EPSTI1: variants seen among roughly 807,000 people sequenced by gnomAD.
EPSTI1 encodes the protein epithelial-stromal interaction protein 1.
A neutral mutation model predicts 49.9 loss-of-function variants in EPSTI1; 66 were observed. That is an observed-to-expected ratio of 1.32 (90% CI 1.08 to 1.62). The LOEUF (loss-of-function observed/expected upper bound fraction) is 1.62, where lower values mean the gene tolerates loss of function less well. Among genes scored for constraint, EPSTI1 ranks in the 40% most tolerant of loss-of-function variants. EPSTI1 has a pLI of 0.00. For synonymous variants in EPSTI1, 137 were observed against 130.7 expected (o/e 1.05, Z -0.33); for missense variants, 394 against 365.5 (o/e 1.08, Z -0.64).
At chr13:42,900,183 G>C (rs2037314090) in intron 9 of EPSTI1, 127 bp downstream of exon 9, 1 of 814,232 alleles carries the variant, frequency 1.2e-6, no homozygotes, top group African/African-American at 1.7e-5. Flanking sequence ...CCCAATAACA[G>C]ATTTAAAGGT....
At chr13:42,935,793 A>C (rs149015357) in intron 6 of EPSTI1, among the ~76,000 whole-genome samples, 111 of 152,074 alleles carry the variant, frequency 7.3e-4, no homozygotes, top group African/African-American at 2.5e-3. Flanking sequence ...GGGTTTCACC[A>C]TGTTGCCCAG....
chr13:42,950,520 C>T (rs1010824667), intron 6 of EPSTI1, among the ~76,000 whole-genome samples: 4 of 152,148 alleles, frequency 2.6e-5, no homozygotes, highest in Non-Finnish European at 4.4e-5. Context: ...TAATCAGAAG[C>T]AAATGAACGA....
chr13:42,935,380 T>C (rs2038525313), intron 6 of EPSTI1, among the ~76,000 whole-genome samples: 1 of 152,176 alleles, frequency 6.6e-6, no homozygotes, highest in East Asian at 1.9e-4. Context: ...TGTAAAAATC[T>C]CAAACCTAGA....
chr13:42,888,133 A>G lies in EPSTI1; in HGVS notation c.*361T>C, dbSNP rs2036914955. On this transcript the variant is annotated 3_prime_UTR_variant, in exon 11 of 11. Coordinates refer to ENST00000313624, the MANE Select transcript of EPSTI1 (RefSeq NM_033255.5). ...TCAAAACCTGATCTGAGAATTAGAT[A>G]AGAATATGTCACTTAGAAAGACAAG... 1.6e-6 allele frequency: 2 copies of G among 1,225,156 alleles called. No homozygotes were observed. Among genetic ancestry groups the G allele is most frequent in the East Asian group, 4.7e-5 (2 of 42,284 alleles). The allele number at this position is 1,225,156 out of a possible 1,614,324, so 75.9% of individuals were successfully genotyped here.
intron 1 of EPSTI1, among the ~76,000 whole-genome samples, chr13:42,977,878 T>C (rs1233064178): frequency 6.6e-6 from 1 of 152,198 alleles, no homozygotes; most frequent in African/African-American, 2.4e-5. Context: ...AGGCCTGGTG[T>C]GGTGGCTCAT....
chr13:42,924,115 A>T (rs1411304203), intron 7 of EPSTI1, among the ~76,000 whole-genome samples: 1 of 152,254 alleles, frequency 6.6e-6, no homozygotes, highest in Admixed American at 6.5e-5. Context: ...ACACCATTAG[A>T]AATGATTCTG....
In EPSTI1 at chr13:42,966,431, C is replaced by T. The variant is rs1269107542; in HGVS notation, c.332-2292G>A. Among the ~76,000 whole-genome samples, 7 of 31,358 alleles carry T rather than the reference C, an allele frequency of 2.2e-4. 3 individuals carry two copies. In the Admixed American group the frequency reaches 2.9e-3, roughly 13 times the overall value. The allele number at this position is 31,358 out of a possible 152,430, so 20.6% of individuals were successfully genotyped here. The stretch of plus-strand genomic sequence containing the variant: ...TGAAATGTGGGGAGCGCCTCTGCCC[C>T]GCCGCCCCATCTGGGATGTGAGGAG... On this transcript the variant is annotated intron_variant, in intron 3 of 10. Coordinates refer to ENST00000313624, the MANE Select transcript of EPSTI1 (RefSeq NM_033255.5).
chr13:42,953,300 G>C (rs571925697), intron 6 of EPSTI1, among the ~76,000 whole-genome samples: 11 of 151,470 alleles, frequency 7.3e-5, no homozygotes, highest in Admixed American at 6.6e-4. Context: ...GTGAGAGCTA[G>C]GACTTTGAAC....
chr13:42,951,546 G>T (rs1386644056), intron 6 of EPSTI1, among the ~76,000 whole-genome samples: 2 of 152,232 alleles, frequency 1.3e-5, no homozygotes, highest in African/African-American at 4.8e-5. Flanking sequence ...CTGATAGCAG[G>T]CCAGGTGGCT....
intron 1 of EPSTI1, among the ~76,000 whole-genome samples, chr13:42,986,483 G>A (rs1449400417): frequency 6.6e-6 from 1 of 152,128 alleles, no homozygotes; most frequent in Non-Finnish European, 1.5e-5. Flanking sequence ...AGTGGCTCAC[G>A]CCTGTAATCC....
chr13:42,937,848 T>C (rs1010296690), intron 6 of EPSTI1, among the ~76,000 whole-genome samples: 1 of 152,180 alleles, frequency 6.6e-6, no homozygotes, highest in Non-Finnish European at 1.5e-5. Flanking sequence ...CTTGATGGCA[T>C]CTAGAATGGT....
At position 42,964,381 on chromosome 13, in the gene EPSTI1, T is replaced by A. The variant is rs142222143; in HGVS notation, c.332-242A>T. 2.2e-4 allele frequency among the ~76,000 whole-genome samples: 33 copies of A among 152,010 alleles called. No homozygotes were observed. In the East Asian group the frequency reaches 6.2e-3, roughly 28 times the overall value. The stretch of plus-strand genomic sequence containing the variant: ...AAACAAAAGAGCACTTTTACTAAGG[T>A]TTTTCAATCATGTAGGTATTAAAGT... On this transcript the variant is annotated intron_variant, in intron 3 of 10. Transcript: ENST00000313624.
Position 42,890,428 on chromosome 13 carries a change from G to T in EPSTI1, c.916-1926C>A, listed in dbSNP as rs1265781199. 3.3e-5 allele frequency among the ~76,000 whole-genome samples: 5 copies of T among 151,314 alleles called. No individual in the cohort carries two copies. In the South Asian group the frequency reaches 8.4e-4, roughly 25 times the overall value. ...TTCTCCCGCCTCAGCCTCCCAAGTA[G>T]CTGGGACTACAGGAGCCCGCCACCA... On this transcript the variant is annotated intron_variant, in intron 10 of 10. Transcript: ENST00000313624.
chr13:42,938,732 G>C (rs1460252063), intron 6 of EPSTI1, among the ~76,000 whole-genome samples: 1 of 151,756 alleles, frequency 6.6e-6, no homozygotes, highest in Non-Finnish European at 1.5e-5. Context: ...TGGCCAACAT[G>C]GTGAAACACC....
In EPSTI1 at chr13:42,886,392, T is replaced by G. The variant is rs549141145; in HGVS notation, c.*2102A>C. 1.9e-4 allele frequency: 29 copies of G among 152,182 alleles called. No homozygotes were observed. Among genetic ancestry groups the G allele is most frequent in the African/African-American group, 7.0e-4 (29 of 41,510 alleles). The allele number at this position is 152,182 out of a possible 1,614,324, so 9.4% of individuals were successfully genotyped here. A position where few individuals can be genotyped will look rare whatever the true frequency, so the allele number is the denominator to read the frequency against. On this transcript the variant is annotated 3_prime_UTR_variant, in exon 11 of 11. Coordinates refer to ENST00000313624, the MANE Select transcript of EPSTI1 (RefSeq NM_033255.5). ...AAACCACAAAGGAAAAAGTGGTAAA[T>G]CCAAATACAAAAGTGTTTAGAAGTT...
At chr13:42,973,150 C>T (rs4423322) in intron 1 of EPSTI1, among the ~76,000 whole-genome samples, 120,533 of 152,214 alleles carry the variant, frequency 0.79, 47,858 homozygotes, top group Middle Eastern at 0.89. Flanking sequence ...GAAAAATCAA[C>T]TCATTTGTAA....
rs572030308 is a variant in EPSTI1, at chr13:42,992,177, C to A, written c.-12G>T. On this transcript the variant is annotated 5_prime_UTR_variant, in exon 1 of 11. Coordinates refer to ENST00000313624, the MANE Select transcript of EPSTI1 (RefSeq NM_033255.5). Reference sequence around the variant, plus strand: ...TTGCGGGTGTTCATGGTTCACAGCCCGCGGGTCCCGGGCCGCCGTCGCTGC... The same window carrying A: ...TTGCGGGTGTTCATGGTTCACAGCCAGCGGGTCCCGGGCCGCCGTCGCTGC... The A allele has an allele frequency of 2.0e-6, 3 of 1,535,162 alleles. No homozygotes were observed. The African/African-American group carries it at 4.1e-5, about 21-fold the overall frequency.
chr13:42,986,213 G>T (rs2040075367), intron 1 of EPSTI1, among the ~76,000 whole-genome samples: 1 of 152,208 alleles, frequency 6.6e-6, no homozygotes, highest in Non-Finnish European at 1.5e-5. Context: ...TTCTTCTGAA[G>T]ACAATCTGAA....
intron 1 of EPSTI1, among the ~76,000 whole-genome samples, chr13:42,978,894 A>G (rs182671146): frequency 1.7e-3 from 252 of 152,242 alleles, no homozygotes; most frequent in Admixed American, 5.4e-3. Context: ...TCATAAATAT[A>G]TATCATTAAG....
Sources: allele counts gnomAD v4.1 joint callset (sites outside exome capture counted in the v4.1 genomes callset), GRCh38; gene constraint gnomAD v4.1.1; transcripts MANE v1.5; gene names NCBI Gene and HGNC (gene_info 2026-07-23, HGNC 2026-07-21).